SNRPN: variants seen among roughly 807,000 people sequenced by gnomAD.
The protein encoded by SNRPN is small nuclear ribonucleoprotein-associated protein N.
A neutral mutation model predicts 25.2 loss-of-function variants in SNRPN; 7 were observed. The ratio of observed to expected loss-of-function variants is 0.28; its 90% confidence interval spans 0.16 to 0.52. The LOEUF (loss-of-function observed/expected upper bound fraction) is 0.52, where lower values mean the gene tolerates loss of function less well. Ranked by LOEUF, SNRPN falls within the 20% of genes least tolerant of loss-of-function variation. The pLI is 0.96. For missense variants in SNRPN, 196 were observed against 322.5 expected (o/e 0.61, Z 3.00); for synonymous variants, 124 against 110.6 (o/e 1.12, Z -0.76).
intron 4 of SNRPN, chr15:24,974,826 T>C: frequency 1.5e-6 from 1 of 671,808 alleles, no homozygotes; most frequent in Admixed American, 2.2e-5. Flanking sequence ...CCCAAAGTGC[T>C]GGGATTACAG....
intron 1 of SNRPN, among the ~76,000 whole-genome samples, chr15:24,874,587 A>G (rs1038728232): frequency 1.1e-4 from 17 of 152,318 alleles, no homozygotes; most frequent in African/African-American, 4.1e-4. Flanking sequence ...TTGACATTGT[A>G]AAAACAAAGT....
chr15:24,942,207 T>C (rs2061598301), intron 3 of SNRPN: 1 of 152,126 alleles, frequency 6.6e-6, no homozygotes, highest in Non-Finnish European at 1.5e-5. Flanking sequence ...AACACAAATT[T>C]TGCTAGTTGG....
intron 1 of SNRPN, 128 bp from the exon 2 acceptor site, chr15:24,961,986 T>A: frequency 1.2e-6 from 1 of 865,366 alleles, no homozygotes; most frequent in African/African-American, 1.7e-5. Flanking sequence ...CTTGTAATAA[T>A]TTTACCTTGT....
upstream of SNRPN, among the ~76,000 whole-genome samples, chr15:24,854,306 A>G (rs1359493971): frequency 6.6e-6 from 1 of 152,166 alleles, no homozygotes; most frequent in East Asian, 1.9e-4. Context: ...GCAAGAACAT[A>G]CCAAAACCAT....
At chr15:24,909,487 C>T in intron 2 of SNRPN, 1 of 1,567,924 alleles carries the variant, frequency 6.4e-7, no homozygotes. Flanking sequence ...CCATGCCAAA[C>T]CTACTGAGAA....
intron 2 of SNRPN, among the ~76,000 whole-genome samples, chr15:24,893,853 A>G (rs2057867992): frequency 6.6e-6 from 1 of 152,158 alleles, no homozygotes; most frequent in African/African-American, 2.4e-5. Context: ...CTGACATGAC[A>G]AAAAGGAAAA....
At chr15:24,919,408 G>A (rs1481730311) in intron 2 of SNRPN, among the ~76,000 whole-genome samples, 1 of 148,128 alleles carries the variant, frequency 6.8e-6, no homozygotes, top group Non-Finnish European at 1.5e-5. Context: ...TCCAGCCTGG[G>A]CGACAGAGCG....
At position 24,922,890 on chromosome 15, in the gene SNRPN, CTTT is replaced by C. The variant is rs71412618; in HGVS notation, c.-391+2790_-391+2792del. 1.3e-4 allele frequency among the ~76,000 whole-genome samples: 9 copies of C among 68,180 alleles called. No individual in the cohort carries two copies. In the East Asian group the frequency reaches 1.6e-3, roughly 12 times the overall value. 44.7% of individuals were successfully genotyped at this position (68,180 alleles called of 152,430 possible). A position where few individuals can be genotyped will look rare whatever the true frequency, so the allele number is the denominator to read the frequency against. On this transcript the variant is annotated intron_variant, in intron 3 of 11. Coordinates refer to the SNRPN transcript ENST00000400097. ...ATATCTATGCCACAGTAGGCAGATC[CTTT>C]TTTTTTTTTTTTTTTTTTTTTTTGG...
intron 3 of SNRPN, among the ~76,000 whole-genome samples, chr15:24,935,868 C>T (rs1036920470): frequency 6.6e-6 from 1 of 152,076 alleles, no homozygotes; most frequent in African/African-American, 2.4e-5. Flanking sequence ...CCTGTAATCC[C>T]AGTACTTTGG....
chr15:24,972,606 C>T (rs1320494229), intron 3 of SNRPN, among the ~76,000 whole-genome samples: 9 of 142,112 alleles, frequency 6.3e-5, no homozygotes, highest in East Asian at 4.2e-4. Context: ...TGCAATGGTG[C>T]GATCTCCGCT....
chr15:24,878,928 A>C (rs985366185), intron 1 of SNRPN, among the ~76,000 whole-genome samples: 1 of 152,104 alleles, frequency 6.6e-6, no homozygotes, highest in Non-Finnish European at 1.5e-5. Context: ...TAGAGGCTTC[A>C]GGGTCACACT....
intron 1 of SNRPN, among the ~76,000 whole-genome samples, chr15:24,862,225 A>C (rs2054049490): frequency 6.6e-6 from 1 of 151,212 alleles, no homozygotes; most frequent in Non-Finnish European, 1.5e-5. Context: ...GAACCATATT[A>C]ATGTAAGCGA....
chr15:24,946,703 C>T (rs61999153), intron 3 of SNRPN, among the ~76,000 whole-genome samples: 7,971 of 152,320 alleles, frequency 0.052, 228 homozygotes, highest in African/African-American at 0.061. Context: ...CTCCAAGGCT[C>T]AGGTGATCCC....
chr15:24,905,389 G>C (rs185925474), intron 2 of SNRPN, among the ~76,000 whole-genome samples: 10 of 150,544 alleles, frequency 6.6e-5, no homozygotes, highest in African/African-American at 2.4e-4. Context: ...TGCGCCTGTA[G>C]TCTTAGCAGC....
At chr15:24,917,183 C>T (rs955681767) in intron 2 of SNRPN, among the ~76,000 whole-genome samples, 3 of 152,168 alleles carry the variant, frequency 2.0e-5, no homozygotes, top group Admixed American at 1.3e-4. Flanking sequence ...ACCTGACCTA[C>T]GAAGTCCAGG....
At chr15:24,864,000 T>G (rs1047455729) in intron 1 of SNRPN, among the ~76,000 whole-genome samples, 1 of 142,994 alleles carries the variant, frequency 7.0e-6, no homozygotes, top group African/African-American at 2.7e-5. Flanking sequence ...TTTTTTAAAT[T>G]TTATTTATTT....
intron 7 of SNRPN, 141 bp from the exon 8 acceptor site, chr15:24,977,636 CA>C (rs200156917): frequency 3.3e-4 from 265 of 811,314 alleles, no homozygotes; most frequent in South Asian, 4.5e-4. Context: ...GAAACTGTCT[CA>C]AAAAAAAACA....
chr15:24,849,739 G>A (rs2052634984), intron 2 of SNRPN: 1 of 152,172 alleles, frequency 6.6e-6, no homozygotes, highest in African/African-American at 2.4e-5. Context: ...CACAGTACCT[G>A]TGGGAGTCTG....
At chr15:24,968,237 T>C in intron 3 of SNRPN, 155 bp downstream of exon 3, 1 of 562,086 alleles carries the variant, frequency 1.8e-6, no homozygotes, top group East Asian at 3.1e-5. Context: ...TGCAGGACCT[T>C]AAATTTTCTG....
Sources: gnomAD v4.1 joint callset for allele counts (sites outside exome capture counted in the v4.1 genomes callset) on GRCh38, gnomAD v4.1.1 for gene constraint, MANE v1.5 for transcripts, NCBI Gene and HGNC (gene_info 2026-07-23, HGNC 2026-07-21) for gene names.